The following SAMD3 variants were observed in gnomAD, a reference collection of about 807,000 sequenced individuals.
The protein encoded by SAMD3 is sterile alpha motif domain containing 3, also known as sterile alpha motif domain-containing protein 3.
SAMD3 carries 63 observed loss-of-function variants against 58.5 expected under a neutral mutation model. That is an observed-to-expected ratio of 1.08 (90% CI 0.88 to 1.33). The LOEUF (loss-of-function observed/expected upper bound fraction) is 1.33, where lower values mean the gene tolerates loss of function less well. SAMD3 is among the 40% of genes most tolerant of loss of function. The pLI is 0.00. For missense variants in SAMD3, 604 were observed against 608.4 expected (o/e 0.99, Z 0.08); for synonymous variants, 220 against 210.3 (o/e 1.05, Z -0.40).
chr6:130,360,880 T>A (rs1320926514), intron 1 of SAMD3, among the ~76,000 whole-genome samples: 1 of 152,146 alleles, frequency 6.6e-6, no homozygotes, highest in East Asian at 1.9e-4. Context: ...GAGAAAATAA[T>A]TCAGCAATAT....
chr6:130,212,306 T>A (rs1476257068), intron 4 of SAMD3, among the ~76,000 whole-genome samples: 1 of 152,194 alleles, frequency 6.6e-6, no homozygotes, highest in Non-Finnish European at 1.5e-5. Flanking sequence ...GCAATTGTAA[T>A]TCTGCACCAG....
downstream of SAMD3, chr6:130,144,294 C>A: frequency 1.9e-6 from 1 of 517,880 alleles, no homozygotes. Flanking sequence ...TTTCTAAAAA[C>A]TCAAAATAAA....
intron 2 of SAMD3, among the ~76,000 whole-genome samples, chr6:130,294,909 ATTTTTTTTTTTTTTTTTTTTTTTT>A (rs774036634): frequency 1.8e-5 from 1 of 56,146 alleles, no homozygotes; most frequent in Non-Finnish European, 3.3e-5. Flanking sequence ...CATTTCTCTG[ATTTTTTTTTTTTTTTTTTTTTTTT>A]TTTTTTTTTT....
chr6:130,326,405 T>C (rs1776763130), intron 1 of SAMD3, among the ~76,000 whole-genome samples: 1 of 146,100 alleles, frequency 6.8e-6, no homozygotes, highest in South Asian at 2.3e-4. Context: ...CTCATCCTCA[T>C]TGCTGAGCCA....
intron 9 of SAMD3, among the ~76,000 whole-genome samples, chr6:130,146,979 A>G (rs1243835013): frequency 6.6e-6 from 1 of 152,114 alleles, no homozygotes; most frequent in Non-Finnish European, 1.5e-5. Flanking sequence ...GTCTCAAAAG[A>G]AAAGAAAGAA....
chr6:130,208,272 C>G (rs1023235633), intron 5 of SAMD3, among the ~76,000 whole-genome samples: 1 of 152,164 alleles, frequency 6.6e-6, no homozygotes, highest in Admixed American at 6.5e-5. Context: ...ACGTTTAAGG[C>G]ATTGCATTTG....
intron 1 of SAMD3, among the ~76,000 whole-genome samples, chr6:130,326,367 A>ATTTT (rs537066801): frequency 3.9e-5 from 5 of 128,818 alleles, no homozygotes; most frequent in African/African-American, 1.2e-4. Context: ...ATGCCTGGTC[A>ATTTT]TTTTTTTTTT....
At chr6:130,341,752 T>A (rs918896091) in intron 1 of SAMD3, among the ~76,000 whole-genome samples, 3 of 152,152 alleles carry the variant, frequency 2.0e-5, no homozygotes, top group Non-Finnish European at 4.4e-5. Flanking sequence ...GTTAAACACA[T>A]GGAAACATGA....
At chr6:130,164,952 T>C (rs1454133189) in intron 8 of SAMD3, among the ~76,000 whole-genome samples, 1 of 152,086 alleles carries the variant, frequency 6.6e-6, no homozygotes, top group East Asian at 1.9e-4. Context: ...TATAAACTTA[T>C]ATACACCTAA....
At chr6:130,217,203 C>T (rs1019672141) in intron 1 of SAMD3, among the ~76,000 whole-genome samples, 2 of 152,048 alleles carry the variant, frequency 1.3e-5, no homozygotes, top group Non-Finnish European at 2.9e-5. Flanking sequence ...GGCTAGACAA[C>T]GTAACATCTT....
intron 1 of SAMD3, among the ~76,000 whole-genome samples, chr6:130,331,199 C>A (rs986767792): frequency 6.6e-6 from 1 of 152,190 alleles, no homozygotes; most frequent in African/African-American, 2.4e-5. Context: ...AAAGTCAGAG[C>A]CGTAAGGCTG....
At chr6:130,178,591 A>G (rs1056294666) in intron 7 of SAMD3, among the ~76,000 whole-genome samples, 3 of 152,328 alleles carry the variant, frequency 2.0e-5, no homozygotes, top group African/African-American at 7.2e-5. Flanking sequence ...GTAAGTCCCA[A>G]TGAGAGTAAT....
At chr6:130,274,310 G>A (rs775726973) in intron 2 of SAMD3, among the ~76,000 whole-genome samples, 46 of 152,096 alleles carry the variant, frequency 3.0e-4, no homozygotes, top group Non-Finnish European at 1.5e-5. Context: ...GACCAACCCA[G>A]TTCTCTCCCT....
At chr6:130,242,025 G>A (rs531970830) in intron 2 of SAMD3, among the ~76,000 whole-genome samples, 3 of 152,054 alleles carry the variant, frequency 2.0e-5, no homozygotes, top group Non-Finnish European at 4.4e-5. Context: ...TGAAAATATG[G>A]CAGGAAATTC....
At chr6:130,287,943 CAAAA>C (rs3029967) in intron 2 of SAMD3, among the ~76,000 whole-genome samples, 6 of 107,068 alleles carry the variant, frequency 5.6e-5, no homozygotes, top group Non-Finnish European at 3.9e-5. Flanking sequence ...GACTCCGTCT[CAAAA>C]AAAAAAAAAA....
chr6:130,220,432 CCTTTGAGTCAAA>C (rs1796174019), intron 1 of SAMD3, among the ~76,000 whole-genome samples: 1 of 152,144 alleles, frequency 6.6e-6, no homozygotes, highest in South Asian at 2.1e-4. Flanking sequence ...AGTGTTTTGG[CCTTTGAGTCAAA>C]CTTATGGTTT....
intron 7 of SAMD3, chr6:130,183,606 G>GCGAACAGCTCAATTTTAGCAAC (rs1792625785): frequency 3.0e-6 from 1 of 331,112 alleles, no homozygotes; most frequent in Non-Finnish European, 5.9e-6. Context: ...AGACTCTAAA[G>GCGAACAGCTCAATTTTAGCAAC]CGAACAGCTC....
chr6:130,307,769 T>C (rs905623913), intron 2 of SAMD3, among the ~76,000 whole-genome samples: 1 of 152,236 alleles, frequency 6.6e-6, no homozygotes, highest in Non-Finnish European at 1.5e-5. Flanking sequence ...ACACTTTATT[T>C]AACTTAATCA....
chr6:130,247,205 C>T (rs942176116), intron 2 of SAMD3, among the ~76,000 whole-genome samples: 10 of 152,268 alleles, frequency 6.6e-5, no homozygotes, highest in African/African-American at 1.7e-4. Context: ...TGTGGTGGCT[C>T]ACGCCCGTAA....
Sources: gnomAD v4.1 joint callset for allele counts (sites outside exome capture counted in the v4.1 genomes callset) on GRCh38, gnomAD v4.1.1 for gene constraint, MANE v1.5 for transcripts, NCBI Gene and HGNC (gene_info 2026-07-23, HGNC 2026-07-21) for gene names.